ZC3H7A: variants seen among roughly 807,000 people sequenced by gnomAD.
The protein encoded by ZC3H7A is zinc finger CCCH-type containing 7A.
A neutral mutation model predicts 125.5 loss-of-function variants in ZC3H7A; 44 were observed. That is an observed-to-expected ratio of 0.35 (90% confidence interval 0.28 to 0.45). The LOEUF (loss-of-function observed/expected upper bound fraction) is 0.45, where lower values mean the gene tolerates loss of function less well. Among genes scored for constraint, ZC3H7A ranks in the 20% least tolerant of loss-of-function variants. The pLI, the probability that ZC3H7A is intolerant of heterozygous loss-of-function variation, is 1.00. For missense variants in ZC3H7A, 977 were observed against 1,170.7 expected (o/e 0.83, Z 2.41); for synonymous variants, 399 against 391.2 (o/e 1.02, Z -0.23).
chr16:11,777,138 G>A (rs988773621), intron 4 of ZC3H7A, among the ~76,000 whole-genome samples: 3 of 152,112 alleles, frequency 2.0e-5, no homozygotes, highest in Non-Finnish European at 4.4e-5. Flanking sequence ...TCAGACAAAT[G>A]CTAATATTTG....
chr16:11,775,483 C>G (rs2053064571), intron 7 of ZC3H7A: 1 of 155,580 alleles, frequency 6.4e-6, no homozygotes, highest in African/African-American at 2.4e-5. Flanking sequence ...ACACGCAAAC[C>G]TGTATACATG....
intron 8 of ZC3H7A, 86 bp from the exon 9 acceptor site, chr16:11,774,605 A>G: frequency 7.3e-7 from 1 of 1,360,694 alleles, no homozygotes; most frequent in Non-Finnish European, 9.8e-7. Context: ...AGATACAAAG[A>G]TGAAAATATG....
At chr16:11,775,840 G>A (rs2053070629) in intron 7 of ZC3H7A, among the ~76,000 whole-genome samples, 1 of 152,050 alleles carries the variant, frequency 6.6e-6, no homozygotes, top group South Asian at 2.1e-4. Flanking sequence ...TATATTACTT[G>A]AGTTGTAGAT....
Position 11,761,977 on chromosome 16 carries a change from G to C in ZC3H7A, c.2146C>G (p.Leu716Val). The change falls in exon 18 of 23, where the codon CTG becomes GTG. Residue 716 changes from leucine (L) to valine (V), a missense_variant. Leu to Val is a conservative substitution (Grantham distance 32). Around this residue, in one of 3 missense-constraint regions of ZC3H7A, gnomAD observed 436 missense variants for 603.2 expected, o/e 0.72. Transcript: ENST00000355758. ...GGTTCAATGACTTGACCGTTTCTCA[G>C]ACACTGGGCGCACACAAACTTTATC... ...MKIKFVCAQC[L>V]RNGQVIEPDK... 1 of 1,613,534 alleles carries C rather than the reference G, an allele frequency of 6.2e-7. No individual in the cohort carries two copies. Among genetic ancestry groups the C allele is most frequent in the Non-Finnish European group, 8.5e-7 (1 of 1,179,910 alleles).
chr16:11,758,300 T>C, intron 20 of ZC3H7A, 131 bp downstream of exon 20: 1 of 701,136 alleles, frequency 1.4e-6, no homozygotes, highest in South Asian at 1.6e-5. Flanking sequence ...CCAACAGAGC[T>C]ACTGATGAAA....
chr16:11,770,785 C>T lies in ZC3H7A; in HGVS notation c.1106G>A (p.Arg369Gln), dbSNP rs770326715. ...LNSFSMSESK[R>Q]DLSTSTSREG... ...TACAATTTAGATTTGGTTCTTACCTCGTTTGGATTCACTCATTGAAAATGA... is the reference window on the plus strand; with the variant it reads ...TACAATTTAGATTTGGTTCTTACCTTGTTTGGATTCACTCATTGAAAATGA... The change falls in exon 10 of 23, where the codon CGA becomes CAA. Residue 369 changes from arginine (R) to glutamine (Q), a missense_variant and splice_region_variant. By Grantham distance (43) the Arg-to-Gln change is conservative. This residue lies in a region of ZC3H7A where 342 missense variants were observed against 311.3 expected (regional missense o/e 1.10). Transcript: ENST00000355758. The T allele has an allele frequency of 1.9e-5, 31 of 1,609,578 alleles. No homozygotes were observed. The highest frequency in any genetic ancestry group is 3.4e-5 in the Admixed American group (2 of 59,334).
intron 9 of ZC3H7A, among the ~76,000 whole-genome samples, chr16:11,772,951 A>G (rs2053012581): frequency 6.6e-6 from 1 of 151,702 alleles, no homozygotes; most frequent in South Asian, 2.1e-4. Context: ...TCAGCCTCCC[A>G]AAGTGCTGTG....
intron 7 of ZC3H7A, among the ~76,000 whole-genome samples, chr16:11,775,272 G>A (rs571104893): frequency 6.6e-6 from 1 of 152,088 alleles, no homozygotes; most frequent in East Asian, 1.9e-4. Flanking sequence ...TCAGGAGGCT[G>A]AGGCAAGAGA....
intron 1 of ZC3H7A, among the ~76,000 whole-genome samples, chr16:11,794,550 AC>A (rs980040615): frequency 2.0e-5 from 3 of 152,178 alleles, no homozygotes; most frequent in South Asian, 2.1e-4. Flanking sequence ...TAGAAAAAAA[AC>A]AAAACAAAAC....
chr16:11,795,824 GTTTGT>G (rs1293966955), intron 1 of ZC3H7A, among the ~76,000 whole-genome samples: 1 of 152,010 alleles, frequency 6.6e-6, no homozygotes, highest in Non-Finnish European at 1.5e-5. Context: ...TTTTTTATTT[GTTTGT>G]TTTGAGACAG....
chr16:11,755,027 G>A (rs2052617957), intron 21 of ZC3H7A, among the ~76,000 whole-genome samples: 1 of 151,688 alleles, frequency 6.6e-6, no homozygotes, highest in Non-Finnish European at 1.5e-5. Context: ...GGCCAACATG[G>A]TGAAACCCCG....
rs773507688 is a variant in ZC3H7A at position 11,770,898 on chromosome 16, A to G, written c.993T>C (p.Ile331=). The G allele has an allele frequency of 1.2e-5, 20 of 1,614,104 alleles. No individual in the cohort carries two copies. Among genetic ancestry groups the G allele is most frequent in the South Asian group, 1.2e-4 (11 of 91,092 alleles). The change falls in exon 10 of 23, where the codon ATT becomes ATC. Residue 331 remains isoleucine, a synonymous_variant. Coordinates refer to ENST00000355758, the MANE Select transcript of ZC3H7A (RefSeq NM_014153.4). ...AGGGTGGAGGAGCATACCTCGCACC[A>G]ATGGGTAAGGTTCCTAACAGCGATG... ...FSASLLGTLP[I]GARYAPPPSF... is the part of the protein sequence containing the mutation.
chr16:11,771,974 C>CACGA (rs2052991093), intron 9 of ZC3H7A, among the ~76,000 whole-genome samples: 1 of 151,898 alleles, frequency 6.6e-6, no homozygotes. Context: ...GTGGGTGGAT[C>CACGA]ACGAGGTCAG....
At chr16:11,761,044 T>C (rs777612870) in intron 19 of ZC3H7A, among the ~76,000 whole-genome samples, 3 of 152,198 alleles carry the variant, frequency 2.0e-5, no homozygotes, top group Non-Finnish European at 4.4e-5. Flanking sequence ...ATAGCATTCA[T>C]AATACTGAAA....
chr16:11,796,860 A>C (rs2053447163), intron 1 of ZC3H7A: 1 of 150,844 alleles, frequency 6.6e-6, no homozygotes, highest in Non-Finnish European at 1.5e-5. Flanking sequence ...TGCCGAGGGA[A>C]TGGCAGGCAG....
intron 20 of ZC3H7A, among the ~76,000 whole-genome samples, chr16:11,757,267 A>C (rs1448920441): frequency 6.6e-6 from 1 of 151,820 alleles, no homozygotes; most frequent in Non-Finnish European, 1.5e-5. Context: ...GGTGGATCAC[A>C]AGGTCAGGAG....
At chr16:11,792,695 G>A (rs2053373165) in intron 1 of ZC3H7A, among the ~76,000 whole-genome samples, 1 of 152,164 alleles carries the variant, frequency 6.6e-6, no homozygotes, top group Non-Finnish European at 1.5e-5. Flanking sequence ...GATAAGTGAC[G>A]CAGCTGGCCC....
chr16:11,774,963 G>T lies in ZC3H7A; in HGVS notation c.619+17C>A, dbSNP rs548768048. 11 of 1,613,680 alleles carry T rather than the reference G, an allele frequency of 6.8e-6. No individual in the cohort carries two copies. The highest frequency in any genetic ancestry group is 9.3e-6 in the Non-Finnish European group (11 of 1,179,722). On this transcript the variant is annotated intron_variant, in intron 8 of 22. Coordinates refer to ENST00000355758, the MANE Select transcript of ZC3H7A (RefSeq NM_014153.4). ...CTGGCACTATTCAAATTGTTAAGATGATATGTGAAAACATACCTGGCTCAA... is the reference window on the plus strand; with the variant it reads ...CTGGCACTATTCAAATTGTTAAGATTATATGTGAAAACATACCTGGCTCAA...
rs1567389070 is a variant in ZC3H7A, at chr16:11,779,378, GT to G, written c.109-16del. 1.6e-5 allele frequency: 26 copies of G among 1,602,468 alleles called. No homozygotes were observed. The highest frequency in any genetic ancestry group is 2.1e-5 in the Non-Finnish European group (25 of 1,176,476). On this transcript the variant is annotated splice_polypyrimidine_tract_variant and intron_variant, in intron 3 of 22. Coordinates refer to ENST00000355758, the MANE Select transcript of ZC3H7A (RefSeq NM_014153.4). ...CGCAAATATACCTAAAAAAAAGAAAGTTACCACTTGAAGCCTTTTATCAAAC... is the reference window on the plus strand; with the variant it reads ...CGCAAATATACCTAAAAAAAAGAAAGTACCACTTGAAGCCTTTTATCAAAC...
Sources: gnomAD v4.1 joint callset for allele counts (sites outside exome capture counted in the v4.1 genomes callset) on GRCh38, gnomAD v4.1.1 for gene constraint, gnomAD v4.1.1 regional missense constraint, MANE v1.5 for transcripts, NCBI Gene and HGNC (gene_info 2026-07-23, HGNC 2026-07-21) for gene names.